The following POC5 variants were observed in gnomAD, a reference collection of about 807,000 sequenced individuals.
POC5 encodes the protein POC5 centriolar protein, also known as centrosomal protein POC5.
Under a neutral mutation model 62.9 loss-of-function variants are expected in POC5, and 48 were observed. The ratio of observed to expected loss-of-function variants is 0.76; its 90% CI spans 0.61 to 0.97. The LOEUF (loss-of-function observed/expected upper bound fraction) is 0.97. Among genes scored for constraint, POC5 ranks in the 50% least tolerant of loss-of-function variants. The pLI is 0.00. For synonymous variants in POC5, 236 were observed against 228.2 expected, an observed-to-expected ratio of 1.03 and a Z score of -0.31; for missense variants, 696 against 679.5, an observed-to-expected ratio of 1.02 and a Z score of -0.27.
In POC5 at chr5:75,693,074, A is replaced by G. The variant is rs540472141; in HGVS notation, c.691-574T>C. On this transcript the variant is annotated intron_variant, in intron 6 of 11. Transcript: ENST00000428202. Reference sequence around the variant, plus strand: ...TACCTATTAATAACATGTTATACATATAACTATTAATAACATATATAACAT... The same window carrying G: ...TACCTATTAATAACATGTTATACATGTAACTATTAATAACATATATAACAT... 7.6e-5 allele frequency among the ~76,000 whole-genome samples: 11 copies of G among 144,428 alleles called. No homozygotes were observed. In the East Asian group the frequency reaches 2.0e-3, roughly 26 times the overall value. The allele number at this position is 144,428 out of a possible 152,430, so 94.8% of individuals were successfully genotyped here. A position where few individuals can be genotyped will look rare whatever the true frequency, so the allele number is the denominator to read the frequency against.
chr5:75,682,521 T>C (rs796605045), intron 10 of POC5, among the ~76,000 whole-genome samples: 14 of 146,904 alleles, frequency 9.5e-5, no homozygotes, highest in African/African-American at 3.6e-4. Context: ...TTCTTTCTTT[T>C]TTTTTTTTTT....
chr5:75,689,299 T>G (rs1420632667), intron 8 of POC5, 134 bp from the exon 9 acceptor site: 2 of 1,324,852 alleles, frequency 1.5e-6, no homozygotes, highest in African/African-American at 3.0e-5. Flanking sequence ...TTCTGCTATG[T>G]GCAATTTATT....
Position 75,701,997 on chromosome 5 carries a change from A to T in POC5, c.513+608T>A, listed in dbSNP as rs543628644. On this transcript the variant is annotated intron_variant, in intron 5 of 11. Transcript: ENST00000428202. The stretch of plus-strand genomic sequence containing the variant: ...CAGTTACACACAGGCTGAGCCATTC[A>T]AAGTATCTGTGAAATTCAATGGAGC... Among the ~76,000 whole-genome samples the T allele has an allele frequency of 4.5e-4, 69 of 152,320 alleles. 1 individual carries two copies. The highest frequency in any genetic ancestry group is 2.5e-3 in the Admixed American group (38 of 15,298).
Position 75,705,107 on chromosome 5 carries a change from G to T in POC5, c.307+597C>A, listed in dbSNP as rs939882542. The T allele has an allele frequency of 3.3e-5, 5 of 152,490 alleles. No individual in the cohort carries two copies. In the East Asian group the frequency reaches 9.6e-4, roughly 29 times the overall value. 9.4% of individuals were successfully genotyped at this position (152,490 alleles called of 1,614,324 possible). Reference sequence around the variant, plus strand: ...CCCAGCTACTGGGGGAGGGGGCGCTGAGGCAGGAGGATCACTTGAGCCAAG... The same window carrying T: ...CCCAGCTACTGGGGGAGGGGGCGCTTAGGCAGGAGGATCACTTGAGCCAAG... On this transcript the variant is annotated intron_variant, in intron 4 of 11. Coordinates refer to ENST00000428202, the MANE Select transcript of POC5 (RefSeq NM_001099271.2).
intron 2 of POC5, among the ~76,000 whole-genome samples, chr5:75,708,936 G>T (rs1185761000): frequency 6.6e-6 from 1 of 152,028 alleles, no homozygotes; most frequent in Non-Finnish European, 1.5e-5. Context: ...AGGTTCAAGC[G>T]ATTCTCCTGC....
chr5:75,678,719 A>C (rs1775768924), intron 10 of POC5, among the ~76,000 whole-genome samples: 1 of 152,162 alleles, frequency 6.6e-6, no homozygotes, highest in Admixed American at 6.5e-5. Flanking sequence ...ACATTTTGCA[A>C]AAGAAAAATC....
At chr5:75,693,191 T>C (rs1776418104) in intron 6 of POC5, among the ~76,000 whole-genome samples, 2 of 149,602 alleles carry the variant, frequency 1.3e-5, no homozygotes, top group African/African-American at 2.4e-5. Context: ...TAACTAATGT[T>C]ATTAATGTTA....
intron 7 of POC5, among the ~76,000 whole-genome samples, chr5:75,690,838 G>T (rs1335271691): frequency 6.6e-6 from 1 of 152,156 alleles, no homozygotes; most frequent in African/African-American, 2.4e-5. Context: ...TCAAGTTAGA[G>T]AAAAAGAATA....
rs1173634890 is a variant in POC5, at chr5:75,689,156, C to T, written c.985G>A (p.Ala329Thr). ...ATCTCAGCTTTTGCATTTTCCAAAG[C>T]TCCAGATAACTAAAATAAGAATGTT... ...YEAKVAMLSG[A>T]LENAKAEIQR... The change falls in exon 9 of 12, where the codon GCT becomes ACT. Residue 329 changes from alanine to threonine, a missense_variant. Transcript: ENST00000428202. The T allele has an allele frequency of 2.6e-6, 4 of 1,539,150 alleles. No individual in the cohort carries two copies. In the African/African-American group the frequency reaches 4.1e-5, roughly 16 times the overall value.
intron 10 of POC5, among the ~76,000 whole-genome samples, chr5:75,683,381 C>T (rs1014635300): frequency 6.6e-6 from 1 of 151,606 alleles, no homozygotes; most frequent in African/African-American, 2.4e-5. Flanking sequence ...TTACAGGTGC[C>T]CACCACCATG....
chr5:75,712,772 T>G, intron 2 of POC5, 82 bp downstream of exon 2: 1 of 1,098,466 alleles, frequency 9.1e-7, no homozygotes, highest in Middle Eastern at 2.0e-4. Flanking sequence ...GATGAAAAAA[T>G]TATTAAAAAA....
At chr5:75,695,529 T>C (rs113430511) in intron 5 of POC5, among the ~76,000 whole-genome samples, 86 of 152,092 alleles carry the variant, frequency 5.7e-4, no homozygotes, top group Middle Eastern at 6.8e-3. Flanking sequence ...AGGTTCCAAA[T>C]GAGGGAAAAA....
At chr5:75,696,371 C>G (rs182404232) in intron 5 of POC5, among the ~76,000 whole-genome samples, 3 of 152,324 alleles carry the variant, frequency 2.0e-5, no homozygotes, top group East Asian at 3.9e-4. Flanking sequence ...GATCTGAGAA[C>G]GGGCAGCCTG....
rs10037667 is a variant in POC5 at position 75,676,759 on chromosome 5, T to C, written c.1584+1015A>G. Reference sequence around the variant, plus strand: ...ATTGTTTGAACCCAGGGGGCGGAGATTGCAGTGCGCCAACATTGCGCCATT... The same window carrying C: ...ATTGTTTGAACCCAGGGGGCGGAGACTGCAGTGCGCCAACATTGCGCCATT... On this transcript the variant is annotated intron_variant, in intron 11 of 11. Transcript: ENST00000428202. 8.4e-3 allele frequency among the ~76,000 whole-genome samples: 1,281 copies of C among 151,818 alleles called. 18 individuals carry two copies. Among genetic ancestry groups the C allele is most frequent in the South Asian group, 0.025 (118 of 4,806 alleles).
At chr5:75,696,546 A>G (rs1457814870) in intron 5 of POC5, among the ~76,000 whole-genome samples, 3 of 151,536 alleles carry the variant, frequency 2.0e-5, no homozygotes, top group Non-Finnish European at 4.4e-5. Flanking sequence ...CATCCACACC[A>G]AAAACCCATC....
intron 2 of POC5, among the ~76,000 whole-genome samples, chr5:75,710,437 A>G (rs1181595558): frequency 6.6e-6 from 1 of 152,168 alleles, no homozygotes; most frequent in African/African-American, 2.4e-5. Context: ...AAAGTAATTA[A>G]GGTTAAATAA....
At chr5:75,695,847 G>A (rs961423065) in intron 5 of POC5, among the ~76,000 whole-genome samples, 1 of 152,134 alleles carries the variant, frequency 6.6e-6, no homozygotes, top group Non-Finnish European at 1.5e-5. Flanking sequence ...GCAGGACAGT[G>A]GGTGCATGCA....
intron 3 of POC5, among the ~76,000 whole-genome samples, chr5:75,706,911 G>A (rs2112195488): frequency 6.6e-6 from 1 of 152,290 alleles, no homozygotes; most frequent in Admixed American, 6.5e-5. Context: ...GCCAAAGACA[G>A]AGGAACAGTG....
chr5:75,696,709 A>G (rs1467216038), intron 5 of POC5, among the ~76,000 whole-genome samples: 2 of 152,268 alleles, frequency 1.3e-5, no homozygotes, highest in African/African-American at 4.8e-5. Flanking sequence ...AGCTGGATGG[A>G]GAATGACTTT....
Sources: allele counts gnomAD v4.1 joint callset (sites outside exome capture counted in the v4.1 genomes callset), GRCh38; gene constraint gnomAD v4.1.1; transcripts MANE v1.5; gene names NCBI Gene and HGNC (gene_info 2026-07-23, HGNC 2026-07-21).